Variants in DIAPH3 observed in about 807,000 individuals in gnomAD.
DIAPH3 encodes the protein protein diaphanous homolog 3.
Under a neutral mutation model 144.3 loss-of-function variants are expected in DIAPH3, and 117 were observed. The observed-to-expected ratio is 0.81, with a 90% confidence interval of 0.70 to 0.95. The LOEUF is 0.95. Ranked by LOEUF, DIAPH3 falls within the 40% of genes least tolerant of loss-of-function variation. DIAPH3 has a pLI of 0.00. For missense variants in DIAPH3, 1,421 were observed against 1,412.7 expected (o/e 1.01, Z -0.09); for synonymous variants, 519 against 488.9 (o/e 1.06, Z -0.81).
chr13:59,861,568 A>G (rs1309323815), intron 21 of DIAPH3, 32 bp from the exon 22 acceptor site: 3 of 1,596,230 alleles, frequency 1.9e-6, no homozygotes, highest in Non-Finnish European at 2.6e-6. Context: ...AAAAACACAG[A>G]GTCATAAGTA....
At chr13:60,090,506 T>C (rs544312138) in intron 4 of DIAPH3, among the ~76,000 whole-genome samples, 1 of 152,262 alleles carries the variant, frequency 6.6e-6, no homozygotes, top group African/African-American at 2.4e-5. Context: ...ATATTAATGC[T>C]TACCCAAAAA....
At chr13:59,911,936 T>C in intron 19 of DIAPH3, 100 bp from the exon 20 acceptor site, 1 of 971,230 alleles carries the variant, frequency 1.0e-6, no homozygotes, top group Non-Finnish European at 1.6e-6. Context: ...GTGAAGTTAA[T>C]CTTCAGTTTT....
At chr13:59,940,558 TAA>T (rs2048477297) in intron 17 of DIAPH3, among the ~76,000 whole-genome samples, 1 of 152,214 alleles carries the variant, frequency 6.6e-6, no homozygotes, top group African/African-American at 2.4e-5. Context: ...TTCATATGCT[TAA>T]GACTATTTTA....
intron 20 of DIAPH3, among the ~76,000 whole-genome samples, chr13:59,891,476 T>A (rs2045792756): frequency 6.6e-6 from 1 of 150,986 alleles, no homozygotes; most frequent in South Asian, 2.1e-4. Context: ...TACAATTCTA[T>A]GATAAAATAA....
chr13:59,796,232 G>A (rs543938824), intron 25 of DIAPH3, among the ~76,000 whole-genome samples: 1 of 152,260 alleles, frequency 6.6e-6, no homozygotes, highest in South Asian at 2.1e-4. Context: ...AGTTGTTATG[G>A]ATAAAGATTT....
intron 3 of DIAPH3, among the ~76,000 whole-genome samples, chr13:60,108,601 G>A (rs1252518216): frequency 3.3e-5 from 5 of 151,354 alleles, no homozygotes; most frequent in Non-Finnish European, 5.9e-5. Flanking sequence ...GCAAGACTCC[G>A]TCTCGAAAAA....
chr13:59,934,814 A>T (rs1326591849), intron 17 of DIAPH3, among the ~76,000 whole-genome samples: 1 of 152,136 alleles, frequency 6.6e-6, no homozygotes, highest in Non-Finnish European at 1.5e-5. Context: ...TGGGACATGG[A>T]ATTTGCATGA....
chr13:59,930,317 T>A (rs896931246), intron 17 of DIAPH3, among the ~76,000 whole-genome samples: 1 of 152,158 alleles, frequency 6.6e-6, no homozygotes, highest in African/African-American at 2.4e-5. Context: ...GAAGTGACTA[T>A]AAAATAAATG....
chr13:60,130,922 T>C (rs1469252997), intron 2 of DIAPH3, among the ~76,000 whole-genome samples: 1 of 152,110 alleles, frequency 6.6e-6, no homozygotes, highest in Non-Finnish European at 1.5e-5. Context: ...CAATTATTAA[T>C]ATAAGATAGA....
intron 17 of DIAPH3, among the ~76,000 whole-genome samples, chr13:59,956,145 TTC>T (rs2049388231): frequency 6.6e-6 from 1 of 152,222 alleles, no homozygotes; most frequent in Non-Finnish European, 1.5e-5. Flanking sequence ...AAAACTCATT[TTC>T]TGAGGAGAAA....
chr13:59,968,265 G>T (rs2050166313), intron 17 of DIAPH3, among the ~76,000 whole-genome samples: 1 of 152,252 alleles, frequency 6.6e-6, no homozygotes, highest in African/African-American at 2.4e-5. Context: ...AAAGTAATCA[G>T]AGTAAGGAGA....
At chr13:59,925,016 T>C in intron 17 of DIAPH3, 146 bp from the exon 18 acceptor site, 1 of 1,384,794 alleles carries the variant, frequency 7.2e-7, no homozygotes, top group Admixed American at 2.7e-5. Context: ...ACGATAGATA[T>C]CCCAAGACCT....
In DIAPH3 at chr13:59,771,932, G is replaced by T. The variant is rs1246988649; in HGVS notation, c.3319+2257C>A. Among the ~76,000 whole-genome samples, 10 of 151,682 alleles carry T rather than the reference G, an allele frequency of 6.6e-5. 1 individual carries two copies. In the South Asian group the frequency reaches 2.1e-3, roughly 32 times the overall value. On this transcript the variant is annotated intron_variant, in intron 27 of 27. Transcript: ENST00000400324. ...TTAATATTATCATTATTTTACATAG[G>T]CTATAAATGAATTTCACATAGCTGT...
rs749443840 is a variant in DIAPH3, at chr13:59,833,322, C to A, written c.2863-51G>T. 16 of 1,434,812 alleles carry A rather than the reference C, an allele frequency of 1.1e-5. No individual in the cohort carries two copies. The East Asian group carries it at 3.7e-4, about 33-fold the overall frequency. 88.9% of individuals were successfully genotyped at this position (1,434,812 alleles called of 1,614,324 possible). ...AATTTACAAAGTAATGCTTTGGGGG[C>A]AGGGGGAACTCTGTAAATCCAATGT... On this transcript the variant is annotated intron_variant, in intron 23 of 27. Coordinates refer to ENST00000400324, the MANE Select transcript of DIAPH3 (RefSeq NM_001042517.2).
chr13:59,989,906 G>A (rs2051696873), intron 12 of DIAPH3, among the ~76,000 whole-genome samples: 1 of 151,802 alleles, frequency 6.6e-6, no homozygotes, highest in Non-Finnish European at 1.5e-5. Context: ...CAAACTTCCA[G>A]AAGACGACAG....
Position 59,911,731 on chromosome 13 carries a change from T to C in DIAPH3, c.2367+4A>G, listed in dbSNP as rs551398199. On this transcript the variant is annotated splice_donor_region_variant and intron_variant, in intron 20 of 27. Coordinates refer to ENST00000400324, the MANE Select transcript of DIAPH3 (RefSeq NM_001042517.2). ...AAAAATCCTCTCTGAGACTCGGTAC[T>C]TACCACAACCACAAACTGCTCAGGT... is the stretch of plus-strand genomic sequence containing the variant. 2 of 1,611,648 alleles carry C rather than the reference T, an allele frequency of 1.2e-6. No homozygotes were observed. Among genetic ancestry groups the C allele is most frequent in the Non-Finnish European group, 1.7e-6 (2 of 1,177,918 alleles).
At chr13:59,860,748 A>G (rs1043741652) in intron 22 of DIAPH3, among the ~76,000 whole-genome samples, 3 of 152,104 alleles carry the variant, frequency 2.0e-5, no homozygotes, top group Non-Finnish European at 4.4e-5. Context: ...AAAAAAAGGA[A>G]AAAAAAGAAA....
chr13:59,732,726 C>T (rs77673598), intron 27 of DIAPH3, among the ~76,000 whole-genome samples: 3,153 of 152,068 alleles, frequency 0.021, 87 homozygotes, highest in East Asian at 0.12. Flanking sequence ...TATGGGATTA[C>T]GGGTGTGAGT....
At chr13:59,738,373 TAGG>T (rs1461584291) in intron 27 of DIAPH3, among the ~76,000 whole-genome samples, 2 of 151,898 alleles carry the variant, frequency 1.3e-5, no homozygotes, top group South Asian at 2.1e-4. Context: ...TGGCTGGCTG[TAGG>T]AGTAGAAAAA....
Sources: gnomAD v4.1 joint callset for allele counts (sites outside exome capture counted in the v4.1 genomes callset) on GRCh38, gnomAD v4.1.1 for gene constraint, MANE v1.5 for transcripts, NCBI Gene and HGNC (gene_info 2026-07-23, HGNC 2026-07-21) for gene names.